Variants in TMEM131L observed in about 807,000 individuals in gnomAD.
The protein encoded by TMEM131L is transmembrane protein 131-like.
Under a neutral mutation model 192.2 loss-of-function variants are expected in TMEM131L, and 54 were observed. That is an observed-to-expected ratio of 0.28 (90% confidence interval 0.23 to 0.35). TMEM131L has a LOEUF of 0.35. Among genes scored for constraint, TMEM131L ranks in the 10% least tolerant of loss-of-function variants. TMEM131L has a pLI of 1.00. For missense variants in TMEM131L, 1,888 were observed against 1,972.9 expected (o/e 0.96, Z 0.82); for synonymous variants, 701 against 704.9 (o/e 0.99, Z 0.09).
At chr4:153,567,145 C>G (rs970997889) in intron 7 of TMEM131L, among the ~76,000 whole-genome samples, 14 of 152,164 alleles carry the variant, frequency 9.2e-5, no homozygotes, top group Non-Finnish European at 1.5e-5. Flanking sequence ...GCCTTTCAAT[C>G]ACAGTTTGAT....
chr4:153,577,718 G>A (rs1730050867), intron 7 of TMEM131L, among the ~76,000 whole-genome samples: 3 of 152,170 alleles, frequency 2.0e-5, no homozygotes, highest in Non-Finnish European at 2.9e-5. Flanking sequence ...AGTATGACTT[G>A]GTTATGGATT....
chr4:153,581,842 A>G (rs1730361092), intron 9 of TMEM131L, among the ~76,000 whole-genome samples: 1 of 152,262 alleles, frequency 6.6e-6, no homozygotes. Context: ...ACAGTTTAAT[A>G]TAAATATTTA....
intron 4 of TMEM131L, among the ~76,000 whole-genome samples, chr4:153,550,793 T>C (rs1308479976): frequency 2.0e-5 from 3 of 152,242 alleles, no homozygotes; most frequent in Non-Finnish European, 4.4e-5. Context: ...TGGTTTTACT[T>C]CTTGCTGTGC....
intron 7 of TMEM131L, among the ~76,000 whole-genome samples, chr4:153,577,958 G>A (rs538373532): frequency 6.6e-6 from 1 of 152,282 alleles, no homozygotes; most frequent in East Asian, 1.9e-4. Flanking sequence ...GGTTCAGCAT[G>A]CCAACAAGCT....
At position 153,588,995 on chromosome 4, in the gene TMEM131L, G is replaced by A. The variant is rs139647215; in HGVS notation, c.1658G>A (p.Gly553Asp). 2.6e-6 allele frequency: 4 copies of A among 1,559,246 alleles called. No individual in the cohort carries two copies. Among genetic ancestry groups the A allele is most frequent in the East Asian group, 2.2e-5 (1 of 44,592 alleles). Residue 553 changes from glycine to aspartate, a missense_variant, in exon 16 of 35, where the codon GGT becomes GAT. Gly to Asp is a moderately conservative substitution (Grantham distance 94). Transcript: ENST00000409959. ...GAAAGATGGAAGAAATATAAAAATG[G>A]TGACGTCTGCAAGTACGTCTCCACT... The part of the protein sequence containing the change: ...LYERWKKYKN[G>D]DVCKRNVLGT...
intron 3 of TMEM131L, among the ~76,000 whole-genome samples, chr4:153,546,083 G>A (rs1737152615): frequency 6.6e-6 from 1 of 151,936 alleles, no homozygotes; most frequent in African/African-American, 2.4e-5. Context: ...TAGAGATGAG[G>A]TCTCACCGTA....
chr4:153,582,498 T>G (rs1730430613), intron 9 of TMEM131L, among the ~76,000 whole-genome samples: 1 of 146,602 alleles, frequency 6.8e-6, no homozygotes, highest in Non-Finnish European at 1.5e-5. Context: ...AGGATGGTCT[T>G]GAACTCCTGG....
chr4:153,553,305 A>G (rs1406604013), intron 4 of TMEM131L, among the ~76,000 whole-genome samples: 2 of 152,178 alleles, frequency 1.3e-5, no homozygotes, highest in Admixed American at 6.5e-5. Flanking sequence ...GTGTTCATAC[A>G]TTTGTTGCTG....
intron 3 of TMEM131L, among the ~76,000 whole-genome samples, chr4:153,490,665 A>G (rs1028059152): frequency 1.3e-5 from 2 of 152,130 alleles, no homozygotes; most frequent in Non-Finnish European, 2.9e-5. Context: ...CTAGATTTAA[A>G]AAATGAGCGG....
At chr4:153,586,685 C>G (rs1439376348) in intron 14 of TMEM131L, among the ~76,000 whole-genome samples, 1 of 152,068 alleles carries the variant, frequency 6.6e-6, no homozygotes, top group Non-Finnish European at 1.5e-5. Flanking sequence ...TATGTGTTTG[C>G]TATAGAAAAC....
chr4:153,607,129 G>A (rs890274642), intron 25 of TMEM131L, among the ~76,000 whole-genome samples: 14 of 152,138 alleles, frequency 9.2e-5, no homozygotes, highest in African/African-American at 3.4e-4. Flanking sequence ...CTGAAGGGAG[G>A]GTTTGGAGTT....
chr4:153,627,175 G>C (rs1259370751), intron 30 of TMEM131L, among the ~76,000 whole-genome samples: 1 of 152,090 alleles, frequency 6.6e-6, no homozygotes, highest in Non-Finnish European at 1.5e-5. Flanking sequence ...AGTAAGAGTT[G>C]CTGCTAACTG....
intron 3 of TMEM131L, among the ~76,000 whole-genome samples, chr4:153,522,410 A>G (rs1322487168): frequency 6.6e-6 from 1 of 152,144 alleles, no homozygotes; most frequent in Non-Finnish European, 1.5e-5. Flanking sequence ...GCCAAGCACT[A>G]GGGGAAGGAG....
intron 4 of TMEM131L, 58 bp downstream of exon 4, chr4:153,550,199 AT>A (rs926288732): frequency 6.4e-5 from 46 of 722,388 alleles, no homozygotes; most frequent in South Asian, 1.4e-4. Flanking sequence ...TATTTTCAGA[AT>A]TTTTTTTACA....
intron 32 of TMEM131L, chr4:153,633,390 AT>A (rs11292431): frequency 0.7 from 77,509 of 111,330 alleles, 25,674 homozygotes; most frequent in Admixed American, 0.78. Context: ...CTAATTTTTA[AT>A]TTTTTTTTTT....
intron 7 of TMEM131L, among the ~76,000 whole-genome samples, chr4:153,577,573 A>G (rs905989506): frequency 6.6e-6 from 1 of 152,178 alleles, no homozygotes; most frequent in Admixed American, 6.5e-5. Context: ...TGTTCCAATA[A>G]AACTTTGCTG....
chr4:153,615,174 G>A (rs1732891558), intron 26 of TMEM131L, among the ~76,000 whole-genome samples: 1 of 152,192 alleles, frequency 6.6e-6, no homozygotes. Context: ...GATGATAATT[G>A]TATACCTACC....
intron 3 of TMEM131L, among the ~76,000 whole-genome samples, chr4:153,513,879 G>T (rs1048588742): frequency 2.6e-5 from 4 of 152,062 alleles, no homozygotes; most frequent in African/African-American, 9.7e-5. Context: ...CTTGACTCTT[G>T]ACTCATTCTT....
At chr4:153,504,353 C>G (rs1271906836) in intron 3 of TMEM131L, among the ~76,000 whole-genome samples, 1 of 127,430 alleles carries the variant, frequency 7.8e-6, no homozygotes, top group African/African-American at 3.0e-5. Context: ...GATCTCGGCT[C>G]ACTGCAACCT....
Sources: gnomAD v4.1 joint callset for allele counts (sites outside exome capture counted in the v4.1 genomes callset) on GRCh38, gnomAD v4.1.1 for gene constraint, MANE v1.5 for transcripts, NCBI Gene and HGNC (gene_info 2026-07-23, HGNC 2026-07-21) for gene names.